TRIM44: variants seen among roughly 807,000 people sequenced by gnomAD.
TRIM44 encodes the protein tripartite motif containing 44, also known as tripartite motif-containing protein 44.
TRIM44 carries 13 observed loss-of-function variants against 37.4 expected under a neutral mutation model. The observed-to-expected ratio is 0.35, with a 90% confidence interval of 0.23 to 0.55. The LOEUF (loss-of-function observed/expected upper bound fraction) is 0.55. TRIM44 is among the 20% of genes least tolerant of loss of function. The probability of loss-of-function intolerance (pLI) is 0.89; values close to 1 mark genes in which losing one functional copy is unlikely to be tolerated. For missense variants in TRIM44, 426 were observed against 437.2 expected, an observed-to-expected ratio of 0.97 and a Z score of 0.23; for synonymous variants, 175 against 157.2, an observed-to-expected ratio of 1.11 and a Z score of -0.85.
chr11:35,805,774 G>A (rs1853438401), intron 4 of TRIM44, among the ~76,000 whole-genome samples: 1 of 152,042 alleles, frequency 6.6e-6, no homozygotes, highest in Non-Finnish European at 1.5e-5. Context: ...ATTATGTAAT[G>A]TGATAAGGCC....
chr11:35,694,832 GTTC>G (rs927010899), intron 2 of TRIM44, among the ~76,000 whole-genome samples: 2 of 152,088 alleles, frequency 1.3e-5, no homozygotes, highest in Non-Finnish European at 2.9e-5. Flanking sequence ...TTTCTCTGAT[GTTC>G]TTAGATGATC....
intron 4 of TRIM44, among the ~76,000 whole-genome samples, chr11:35,747,325 A>C (rs1852504405): frequency 1.3e-5 from 2 of 152,348 alleles, no homozygotes; most frequent in Admixed American, 1.3e-4. Flanking sequence ...CTGTGAGGAC[A>C]GTTATTCTAA....
chr11:35,704,215 G>C (rs1590523654), intron 2 of TRIM44, among the ~76,000 whole-genome samples: 1 of 152,246 alleles, frequency 6.6e-6, no homozygotes, highest in African/African-American at 2.4e-5. Context: ...AGAGAAAAAA[G>C]AATAAAAAGG....
Position 35,674,051 on chromosome 11 carries a change from T to C in TRIM44, c.669+10271T>C, listed in dbSNP as rs1004311663. ...AGAACCAGGGGCTAAACTTGTTAGG[T>C]GGCAGTAAGGAACACAGATGCTCAT... On this transcript the variant is annotated intron_variant, in intron 1 of 4. Transcript: ENST00000299413. Among the ~76,000 whole-genome samples, 4 of 152,170 alleles carry C rather than the reference T, an allele frequency of 2.6e-5. No individual in the cohort carries two copies. In the South Asian group the frequency reaches 8.3e-4, roughly 32 times the overall value.
At chr11:35,767,273 A>G (rs1005802666) in intron 4 of TRIM44, among the ~76,000 whole-genome samples, 2 of 152,150 alleles carry the variant, frequency 1.3e-5, no homozygotes, top group African/African-American at 4.8e-5. Context: ...TTAGATGGTG[A>G]TGGTGAAAGA....
intron 2 of TRIM44, among the ~76,000 whole-genome samples, chr11:35,700,642 A>G (rs1851775546): frequency 6.6e-6 from 1 of 152,170 alleles, no homozygotes; most frequent in Admixed American, 6.6e-5. Flanking sequence ...CCCTCTCTTT[A>G]AACAACCAGT....
intron 4 of TRIM44, among the ~76,000 whole-genome samples, chr11:35,756,591 A>G (rs1565002277): frequency 6.6e-6 from 1 of 152,132 alleles, no homozygotes; most frequent in Non-Finnish European, 1.5e-5. Flanking sequence ...GCCAGTTTTC[A>G]AAGGGAATGC....
At chr11:35,714,599 T>C (rs1216243443) in intron 2 of TRIM44, among the ~76,000 whole-genome samples, 1 of 152,188 alleles carries the variant, frequency 6.6e-6, no homozygotes, top group Non-Finnish European at 1.5e-5. Flanking sequence ...TAACTGTGGC[T>C]TTATAGGGAA....
At chr11:35,755,701 C>G (rs1262857665) in intron 4 of TRIM44, among the ~76,000 whole-genome samples, 1 of 152,116 alleles carries the variant, frequency 6.6e-6, no homozygotes, top group Non-Finnish European at 1.5e-5. Context: ...AGGAAGGGAT[C>G]CAGTTTCAGC....
chr11:35,792,724 C>G (rs1853231442), intron 4 of TRIM44, among the ~76,000 whole-genome samples: 1 of 152,148 alleles, frequency 6.6e-6, no homozygotes, highest in Non-Finnish European at 1.5e-5. Flanking sequence ...CTCCAAAGAG[C>G]TCAAGTGACA....
Position 35,663,625 on chromosome 11 carries a change from G to C in TRIM44, c.514G>C (p.Glu172Gln). 6.2e-7 allele frequency: 1 copy of C among 1,614,166 alleles called. No homozygotes were observed. The highest frequency in any genetic ancestry group is 8.5e-7 in the Non-Finnish European group (1 of 1,180,032). Residue 172 changes from glutamate (E) to glutamine (Q), a missense_variant, in exon 1 of 5, where the codon GAG (glutamate) becomes CAG (glutamine). This residue lies in a region of TRIM44 where 331 missense variants were observed against 303.0 expected (regional missense o/e 1.09). Transcript: ENST00000299413. ...EFDPEIEMEA[E>Q]RVAKRKCPDH... is the part of the protein sequence containing the mutation. ...TGACCCAGAAATAGAAATGGAAGCA[G>C]AGAGAGTGGCCAAGAGGAAGTGTCC...
At chr11:35,759,653 G>A (rs1217412791) in intron 4 of TRIM44, among the ~76,000 whole-genome samples, 1 of 152,144 alleles carries the variant, frequency 6.6e-6, no homozygotes, top group Non-Finnish European at 1.5e-5. Context: ...GGTCTTTGAT[G>A]ATGGTGACGT....
At chr11:35,741,497 C>T (rs1174865288) in intron 4 of TRIM44, among the ~76,000 whole-genome samples, 2 of 152,146 alleles carry the variant, frequency 1.3e-5, no homozygotes, top group Admixed American at 6.5e-5. Context: ...ATTGCATCTG[C>T]CTCCACCTGG....
Position 35,807,971 on chromosome 11 carries a change from C to G in TRIM44, c.*1586C>G, listed in dbSNP as rs1004427106. On this transcript the variant is annotated 3_prime_UTR_variant, in exon 5 of 5. Transcript: ENST00000299413. ...TGCCTGTCTGCCTGTGACCTGTGTA[C>G]GTATTACAGGCTTTAGGACCAGCTG... 6.6e-6 allele frequency: 1 copy of G among 152,094 alleles called. No individual in the cohort carries two copies. Among genetic ancestry groups the G allele is most frequent in the Non-Finnish European group, 1.5e-5 (1 of 68,038 alleles). 9.4% of individuals were successfully genotyped at this position (152,094 alleles called of 1,614,324 possible).
At position 35,757,668 on chromosome 11, in the gene TRIM44, G is replaced by A. The variant is rs182959630; in HGVS notation, c.1007+22223G>A. Among the ~76,000 whole-genome samples the A allele has an allele frequency of 6.1e-4, 93 of 152,246 alleles. 1 individual carries two copies. The East Asian group carries it at 0.017, about 27-fold the overall frequency. Reference sequence around the variant, plus strand: ...TAAATTTTCCTCTACACACTGCTTTGAATGTGTCCCAGAGATTCTGGTATG... The same window carrying A: ...TAAATTTTCCTCTACACACTGCTTTAAATGTGTCCCAGAGATTCTGGTATG... On this transcript the variant is annotated intron_variant, in intron 4 of 4. Coordinates refer to ENST00000299413, the MANE Select transcript of TRIM44 (RefSeq NM_017583.6).
Position 35,806,881 on chromosome 11 carries a change from C to CTACATTTGTGAAAATTGTGG in TRIM44, c.*498_*517dup, listed in dbSNP as rs1333356383. On this transcript the variant is annotated 3_prime_UTR_variant, in exon 5 of 5. Transcript: ENST00000299413. The stretch of plus-strand genomic sequence containing the variant: ...GTGGACAGTCCCTAAAAGTCCAGTT[C>CTACATTTGTGAAAATTGTGG]TACATTTGTGAAAATTGTGGTGCCA... 3 of 152,908 alleles carry CTACATTTGTGAAAATTGTGG rather than the reference C, an allele frequency of 2.0e-5. No individual in the cohort carries two copies. The highest frequency in any genetic ancestry group is 4.8e-5 in the African/African-American group (2 of 41,420). 9.5% of individuals were successfully genotyped at this position (152,908 alleles called of 1,614,324 possible).
chr11:35,807,764 G>A lies in TRIM44; in HGVS notation c.*1379G>A, dbSNP rs1443211812. ...GAATCTTGCAAGGTAATTCTTATTT[G>A]CAAGTGGGTTATGTGTTCACTCTCC... On this transcript the variant is annotated 3_prime_UTR_variant, in exon 5 of 5. Coordinates refer to ENST00000299413, the MANE Select transcript of TRIM44 (RefSeq NM_017583.6). The A allele has an allele frequency of 6.6e-6, 1 of 152,130 alleles. No individual in the cohort carries two copies. The highest frequency in any genetic ancestry group is 2.4e-5 in the African/African-American group (1 of 41,436). 9.4% of individuals were successfully genotyped at this position (152,130 alleles called of 1,614,324 possible). A position where few individuals can be genotyped will look rare whatever the true frequency, so the allele number is the denominator to read the frequency against.
chr11:35,793,728 A>G (rs1362299457), intron 4 of TRIM44, among the ~76,000 whole-genome samples: 1 of 152,068 alleles, frequency 6.6e-6, no homozygotes, highest in Non-Finnish European at 1.5e-5. Context: ...CTGATGTCAC[A>G]AGCCCCCTCA....
At chr11:35,769,370 G>A (rs1852837144) in intron 4 of TRIM44, among the ~76,000 whole-genome samples, 1 of 152,212 alleles carries the variant, frequency 6.6e-6, no homozygotes, top group Non-Finnish European at 1.5e-5. Flanking sequence ...ATTCTCATCA[G>A]TTCACAGTTG....
Sources: gnomAD v4.1 joint callset for allele counts (sites outside exome capture counted in the v4.1 genomes callset) on GRCh38, gnomAD v4.1.1 for gene constraint, gnomAD v4.1.1 regional missense constraint, MANE v1.5 for transcripts, NCBI Gene and HGNC (gene_info 2026-07-23, HGNC 2026-07-21) for gene names.